The following SIRPA variants were observed in gnomAD, a reference collection of about 807,000 sequenced individuals.
SIRPA encodes signal regulatory protein alpha, also known as tyrosine-protein phosphatase non-receptor type substrate 1.
A neutral mutation model predicts 50.3 loss-of-function variants in SIRPA; 9 were observed. The ratio of observed to expected loss-of-function variants is 0.18; its 90% CI spans 0.11 to 0.31. SIRPA has a LOEUF of 0.31. Ranked by LOEUF, SIRPA falls within the 10% of genes least tolerant of loss-of-function variation. The pLI, the probability that SIRPA is intolerant of heterozygous loss-of-function variation, is 1.00. For synonymous variants in SIRPA, 265 were observed against 284.1 expected (o/e 0.93, Z 0.68); for missense variants, 474 against 661.6 (o/e 0.72, Z 3.11).
intron 2 of SIRPA, among the ~76,000 whole-genome samples, chr20:1,918,360 CTT>C (rs60736526): frequency 0.087 from 8,297 of 95,026 alleles, 122 homozygotes; most frequent in African/African-American, 0.15. Flanking sequence ...ACCACACCAG[CTT>C]TTTTTTTTTT....
At chr20:1,922,683 C>G (rs747172137) in intron 4 of SIRPA, 38 bp downstream of exon 4, 4 of 1,551,474 alleles carry the variant, frequency 2.6e-6, no homozygotes, top group African/African-American at 1.4e-5. Flanking sequence ...CTTTTTTAAA[C>G]TTTTAGTTTT....
chr20:1,910,325 C>T (rs60522568), intron 1 of SIRPA, among the ~76,000 whole-genome samples: 5 of 141,808 alleles, frequency 3.5e-5, no homozygotes, highest in Admixed American at 7.2e-5. Flanking sequence ...GAAACGTGTT[C>T]GTGTGTTTTG....
chr20:1,895,580 C>A, intron 1 of SIRPA, 54 bp downstream of exon 1: 1 of 1,300,748 alleles, frequency 7.7e-7, no homozygotes, highest in South Asian at 1.9e-5. Flanking sequence ...GGGCTCAGGC[C>A]TCTCAGACTG....
rs746646847 is a variant in SIRPA at position 1,933,922 on chromosome 20, C to A, written c.1227-793C>A. ...TTAACTTGGACATCTTGGTCTTTTTCTTTTCTTTCTTTAATGATGATACAT... is the reference window on the plus strand; with the variant it reads ...TTAACTTGGACATCTTGGTCTTTTTATTTTCTTTCTTTAATGATGATACAT... On this transcript the variant is annotated intron_variant, in intron 6 of 7. Coordinates refer to ENST00000358771, the MANE Select transcript of SIRPA (RefSeq NM_001040023.2). This position sits in a 1 kb window ranked among gnomAD's most constrained non-coding sequence, Gnocchi z 4.4. Among the ~76,000 whole-genome samples the A allele has an allele frequency of 2.6e-5, 4 of 152,162 alleles. No homozygotes were observed. The highest frequency in any genetic ancestry group is 4.8e-5 in the African/African-American group (2 of 41,508).
At chr20:1,929,275 T>C (rs903271519) in intron 6 of SIRPA, among the ~76,000 whole-genome samples, 3 of 152,000 alleles carry the variant, frequency 2.0e-5, no homozygotes, top group African/African-American at 7.3e-5. Context: ...TAGGTGACCA[T>C]AGCGGTACTG....
intron 1 of SIRPA, among the ~76,000 whole-genome samples, chr20:1,908,262 A>G (rs964445815): frequency 6.6e-6 from 1 of 151,988 alleles, no homozygotes; most frequent in Non-Finnish European, 1.5e-5. Context: ...GCACACAAAT[A>G]GTGGCATGTG....
chr20:1,921,545 C>G lies in SIRPA; in HGVS notation c.587C>G (p.Thr196Ser), dbSNP rs768027007. 15 of 1,614,232 alleles carry G rather than the reference C, an allele frequency of 9.3e-6. No individual in the cohort carries two copies. The South Asian group carries it at 1.6e-4, about 18-fold the overall frequency. Reference sequence around the variant, plus strand: ...GGGAATGAGCTCTCAGACTTCCAGACCAACGTGGACCCCGTAGGAGAGAGC... The same window carrying G: ...GGGAATGAGCTCTCAGACTTCCAGAGCAACGTGGACCCCGTAGGAGAGAGC... Reference protein sequence around the residue: ...KNGNELSDFQTNVDPVGESVS... With the variant: ...KNGNELSDFQSNVDPVGESVS... Residue 196 changes from threonine (T) to serine (S), a missense_variant, in exon 3 of 8, where the codon ACC (threonine) becomes AGC (serine). By Grantham distance (58) the Thr-to-Ser change is moderately conservative. Around this residue, in one of 4 missense-constraint regions of SIRPA, gnomAD observed 221 missense variants for 359.9 expected, o/e 0.61. Coordinates refer to ENST00000358771, the MANE Select transcript of SIRPA (RefSeq NM_001040023.2).
chr20:1,924,859 C>G lies in SIRPA; in HGVS notation c.1183C>G (p.Arg395Gly). Residue 395 changes from arginine (R) to glycine (G), a missense_variant, in exon 5 of 8, where the codon CGA becomes GGA. Transcript: ENST00000358771. The surrounding 1 kb of genome is among the most constrained non-coding windows in gnomAD (Gnocchi z 4.5). ...ACTGATGGCGGCCCTCTACCTCGTCCGAATCAGACAGAAGAAAGGTGGGTG... is the reference window on the plus strand; with the variant it reads ...ACTGATGGCGGCCCTCTACCTCGTCGGAATCAGACAGAAGAAAGGTGGGTG... ...ALLMAALYLVRIRQKKAQGST... is the reference protein window; with the variant it reads ...ALLMAALYLVGIRQKKAQGST... 1 of 1,614,040 alleles carries G rather than the reference C, an allele frequency of 6.2e-7. No individual in the cohort carries two copies. Among genetic ancestry groups the G allele is most frequent in the Non-Finnish European group, 8.5e-7 (1 of 1,179,910 alleles).
intron 1 of SIRPA, among the ~76,000 whole-genome samples, chr20:1,899,887 G>T (rs983715805): frequency 6.6e-6 from 1 of 152,216 alleles, no homozygotes; most frequent in Admixed American, 6.5e-5. Flanking sequence ...TGGAAGCCAT[G>T]CCTTGTATGT....
At position 1,939,328 on chromosome 20, in the gene SIRPA, A is replaced by G. The variant is rs1217466546; in HGVS notation, c.*1760A>G. 6.6e-6 allele frequency: 1 copy of G among 152,344 alleles called. No homozygotes were observed. Among genetic ancestry groups the G allele is most frequent in the Admixed American group, 6.5e-5 (1 of 15,310 alleles). 9.4% of individuals were successfully genotyped at this position (152,344 alleles called of 1,614,324 possible). A position where few individuals can be genotyped will look rare whatever the true frequency, so the allele number is the denominator to read the frequency against. ...ACAGGTGAAACTGCAGGAGCTCAGC[A>G]TAGACCCAGCTCTCTGGGGGATGGT... On this transcript the variant is annotated 3_prime_UTR_variant, in exon 8 of 8. Transcript: ENST00000358771. This position sits in a 1 kb window ranked among gnomAD's most constrained non-coding sequence, Gnocchi z 4.7.
Position 1,937,041 on chromosome 20 carries a change from G to A in SIRPA, c.1267-279G>A, listed in dbSNP as rs915275457. Among the ~76,000 whole-genome samples, 7 of 152,172 alleles carry A rather than the reference G, an allele frequency of 4.6e-5. No individual in the cohort carries two copies. The highest frequency in any genetic ancestry group is 3.3e-4 in the Admixed American group (5 of 15,282). Reference sequence around the variant, plus strand: ...AGGTGGTTCAGGCTAGGAGGAGGCAGGAACGGGAGGAGGTGACACTGAGGC... The same window carrying A: ...AGGTGGTTCAGGCTAGGAGGAGGCAAGAACGGGAGGAGGTGACACTGAGGC... On this transcript the variant is annotated intron_variant, in intron 7 of 7. Transcript: ENST00000358771. The surrounding 1 kb of genome is among the most constrained non-coding windows in gnomAD (Gnocchi z 8.3).
At chr20:1,903,011 C>CAAAAAAAAA (rs58735842) in intron 1 of SIRPA, among the ~76,000 whole-genome samples, 73 of 90,562 alleles carry the variant, frequency 8.1e-4, no homozygotes, top group South Asian at 1.2e-3. Flanking sequence ...GACTCTGTCT[C>CAAAAAAAAA]AAAAAAAAAA....
rs1914292835 is a variant in SIRPA at position 1,895,435 on chromosome 20, G to T, written c.-13G>T. The T allele has an allele frequency of 1.0e-5, 14 of 1,394,236 alleles. No individual in the cohort carries two copies. The highest frequency in any genetic ancestry group is 6.1e-5 in the African/African-American group (4 of 65,812). The allele number at this position is 1,394,236 out of a possible 1,614,324, so 86.4% of individuals were successfully genotyped here. ...CACGGCCGCTCTCCCTCCTCGCTCC[G>T]CAGCCGCGGCCCATGGAGCCCGCCG... On this transcript the variant is annotated 5_prime_UTR_variant, in exon 1 of 8. Transcript: ENST00000358771.
At chr20:1,922,672 G>A in intron 4 of SIRPA, 27 bp downstream of exon 4, 1 of 1,576,088 alleles carries the variant, frequency 6.3e-7, no homozygotes, top group Non-Finnish European at 8.6e-7. Context: ...AGCTGACCCA[G>A]CTTTTTTAAA....
intron 1 of SIRPA, among the ~76,000 whole-genome samples, chr20:1,908,429 A>C (rs978732864): frequency 6.6e-6 from 1 of 151,490 alleles, no homozygotes; most frequent in African/African-American, 2.4e-5. Flanking sequence ...CCACACACTC[A>C]CACCCTCCCA....
chr20:1,922,747 A>G, intron 4 of SIRPA, 102 bp downstream of exon 4: 1 of 1,315,032 alleles, frequency 7.6e-7, no homozygotes, highest in East Asian at 2.5e-5. Context: ...AGAACAATCT[A>G]GAAGTCTATA....
chr20:1,914,071 G>C (rs1985071649), intron 1 of SIRPA, among the ~76,000 whole-genome samples: 1 of 152,224 alleles, frequency 6.6e-6, no homozygotes, highest in Admixed American at 6.5e-5. Flanking sequence ...GGCATCAGCA[G>C]GTGTTGGTGA....
Position 1,933,401 on chromosome 20 carries a change from AC to A in SIRPA, c.1227-1304del, listed in dbSNP as rs11395264. Among the ~76,000 whole-genome samples the A allele has an allele frequency of 0.014, 1,901 of 139,484 alleles. 67 individuals carry two copies. Among genetic ancestry groups the A allele is most frequent in the Admixed American group, 0.082 (1,150 of 14,008 alleles). The allele number at this position is 139,484 out of a possible 152,430, so 91.5% of individuals were successfully genotyped here. A position where few individuals can be genotyped will look rare whatever the true frequency, so the allele number is the denominator to read the frequency against. On this transcript the variant is annotated intron_variant, in intron 6 of 7. Transcript: ENST00000358771. This position sits in a 1 kb window ranked among gnomAD's most constrained non-coding sequence, Gnocchi z 4.4. Reference sequence around the variant, plus strand: ...CATGAAGTACATAACATCAAATGCCACCCCCCCCCCGAAATATCTGGTGGGC... The same window carrying A: ...CATGAAGTACATAACATCAAATGCCACCCCCCCCCGAAATATCTGGTGGGC...
intron 1 of SIRPA, among the ~76,000 whole-genome samples, chr20:1,903,216 C>G (rs1984344924): frequency 6.6e-6 from 1 of 151,988 alleles, no homozygotes; most frequent in Admixed American, 6.6e-5. Context: ...AGGTCAGGGC[C>G]AGACCAGCAG....
Sources: allele counts gnomAD v4.1 joint callset (sites outside exome capture counted in the v4.1 genomes callset), GRCh38; gene constraint gnomAD v4.1.1; regional missense constraint gnomAD v4.1.1; non-coding constraint Gnocchi (gnomAD v3.1); transcripts MANE v1.5; gene names NCBI Gene and HGNC (gene_info 2026-07-23, HGNC 2026-07-21).